Variants in MTUS1 observed in about 807,000 individuals in gnomAD.
MTUS1 encodes microtubule associated scaffold protein 1, also known as microtubule-associated tumor suppressor 1.
Under a neutral mutation model 120.8 loss-of-function variants are expected in MTUS1, and 109 were observed. The observed-to-expected ratio is 0.90, with a 90% CI of 0.77 to 1.06. The LOEUF (loss-of-function observed/expected upper bound fraction) is 1.06, where lower values mean the gene tolerates loss of function less well. MTUS1 is among the 50% of genes least tolerant of loss of function. The probability of loss-of-function intolerance (pLI) is 0.00; values close to 1 mark genes in which losing one functional copy is unlikely to be tolerated. For synonymous variants in MTUS1, 737 were observed against 550.5 expected (o/e 1.34, Z -4.74); for missense variants, 2,210 against 1,486.3 (o/e 1.49, Z -8.01).
intron 3 of MTUS1, among the ~76,000 whole-genome samples, chr8:17,735,918 CAG>C (rs566754711): frequency 4.1e-4 from 62 of 152,320 alleles, no homozygotes; most frequent in African/African-American, 1.5e-3. Flanking sequence ...TGCAAAGCAG[CAG>C]AGAGGCCAGG....
chr8:17,777,586 G>C (rs1019731087), intron 1 of MTUS1, among the ~76,000 whole-genome samples: 1 of 152,120 alleles, frequency 6.6e-6, no homozygotes, highest in Non-Finnish European at 1.5e-5. Flanking sequence ...ACGTGGATGG[G>C]ACCAACATAC....
intron 1 of MTUS1, among the ~76,000 whole-genome samples, chr8:17,763,642 T>G (rs1359290108): frequency 6.6e-6 from 1 of 152,124 alleles, no homozygotes; most frequent in African/African-American, 2.4e-5. Context: ...AGGGAGATAC[T>G]CGCTGGAGGC....
At chr8:17,671,635 T>G (rs1218058849) in intron 8 of MTUS1, among the ~76,000 whole-genome samples, 2 of 152,196 alleles carry the variant, frequency 1.3e-5, no homozygotes, top group East Asian at 3.8e-4. Context: ...TGGAGGCTGT[T>G]AGATGCGGAA....
intron 8 of MTUS1, 38 bp downstream of exon 8, chr8:17,675,148 T>G (rs1210238749): frequency 6.2e-7 from 1 of 1,611,902 alleles, no homozygotes; most frequent in African/African-American, 1.3e-5. Flanking sequence ...GTTCCCCTTG[T>G]CCCATAAAAT....
chr8:17,694,446 G>A (rs982389040), intron 6 of MTUS1, among the ~76,000 whole-genome samples: 79 of 152,106 alleles, frequency 5.2e-4, no homozygotes, highest in African/African-American at 1.8e-3. Context: ...CAGGCGAATT[G>A]CCTGAGGTCA....
intron 6 of MTUS1, among the ~76,000 whole-genome samples, chr8:17,687,879 T>C (rs1056209941): frequency 2.0e-5 from 3 of 152,212 alleles, no homozygotes; most frequent in African/African-American, 7.2e-5. Flanking sequence ...AAGAAAGTAG[T>C]TGGTTAATGA....
chr8:17,748,479 G>T (rs1332258115), intron 2 of MTUS1, among the ~76,000 whole-genome samples: 3 of 152,106 alleles, frequency 2.0e-5, no homozygotes, highest in Admixed American at 6.5e-5. Flanking sequence ...CTTTGCCCTC[G>T]CTACTGGAGG....
chr8:17,719,593 C>T (rs184110969), intron 4 of MTUS1, among the ~76,000 whole-genome samples: 85 of 152,176 alleles, frequency 5.6e-4, no homozygotes, highest in Non-Finnish European at 1.5e-4. Flanking sequence ...ATGAATCTAC[C>T]GCCTGTTCCT....
At chr8:17,686,052 T>C (rs1815725357) in intron 6 of MTUS1, among the ~76,000 whole-genome samples, 2 of 152,222 alleles carry the variant, frequency 1.3e-5, no homozygotes, top group Non-Finnish European at 2.9e-5. Context: ...TTTTTAGAAA[T>C]TGTCACATAA....
At chr8:17,752,950 T>C (rs1046313470) in intron 2 of MTUS1, among the ~76,000 whole-genome samples, 3 of 152,224 alleles carry the variant, frequency 2.0e-5, no homozygotes, top group Non-Finnish European at 4.4e-5. Context: ...CAAAAACACA[T>C]GCATGTTTAA....
intron 1 of MTUS1, among the ~76,000 whole-genome samples, chr8:17,767,420 G>C (rs538354636): frequency 4.6e-5 from 7 of 151,866 alleles, no homozygotes; most frequent in Admixed American, 4.6e-4. Flanking sequence ...AAAGGGGCTG[G>C]GTACAGTGGC....
intron 8 of MTUS1, among the ~76,000 whole-genome samples, chr8:17,661,166 G>A (rs545820439): frequency 1.3e-5 from 2 of 152,050 alleles, no homozygotes; most frequent in African/African-American, 2.4e-5. Context: ...GTAACTTTCC[G>A]ACTCTGAAGG....
In MTUS1 at chr8:17,661,891, C is replaced by T. The variant is rs186639385; in HGVS notation, c.2906-5826G>A. Among the ~76,000 whole-genome samples the T allele has an allele frequency of 1.0e-3, 158 of 152,312 alleles. 2 individuals carry two copies. Among genetic ancestry groups the T allele is most frequent in the Middle Eastern group, 3.4e-3 (1 of 294 alleles). ...TGGGGAACAGCTGGGCTGCAGTAAT[C>T]GCTCACACTAATGGCTTTCGTTTGA... is the stretch of plus-strand genomic sequence containing the variant. On this transcript the variant is annotated intron_variant, in intron 8 of 14. Transcript: ENST00000693296.
At chr8:17,686,646 C>G (rs919470255) in intron 6 of MTUS1, among the ~76,000 whole-genome samples, 23 of 152,248 alleles carry the variant, frequency 1.5e-4, no homozygotes, top group African/African-American at 5.1e-4. Context: ...AATTTCAGAG[C>G]TTTAAAACTG....
intron 6 of MTUS1, among the ~76,000 whole-genome samples, chr8:17,686,929 CTT>C (rs1815932705): frequency 2.0e-5 from 3 of 152,116 alleles, no homozygotes; most frequent in Admixed American, 2.0e-4. Context: ...AATAAAATCA[CTT>C]TTAACAGACA....
rs1427064955 is a variant in MTUS1 at position 17,723,744 on chromosome 8, C to A, written c.2377G>T (p.Ala793Ser). ...GGGGTGCTTCCTGTCCTCCGCAGCG[C>A]AGGACTTTTCAAAGATGCTTTGGAT... ...PKSKASLKSP[A>S]LRRTGSTPSI... The change falls in exon 4 of 15, where the codon GCG (alanine) becomes TCG (serine). Residue 793 changes from alanine to serine, a missense_variant. Physicochemically the swap from Ala to Ser is moderately conservative, Grantham distance 99. Transcript: ENST00000693296. The A allele has an allele frequency of 1.2e-6, 2 of 1,610,302 alleles. No individual in the cohort carries two copies. The highest frequency in any genetic ancestry group is 3.3e-5 in the Admixed American group (2 of 59,872).
At chr8:17,709,836 T>C (rs1457422311) in intron 6 of MTUS1, among the ~76,000 whole-genome samples, 1 of 151,692 alleles carries the variant, frequency 6.6e-6, no homozygotes, top group Non-Finnish European at 1.5e-5. Context: ...TGAAACCCCG[T>C]CTCTACTAAA....
At chr8:17,743,157 ACT>A (rs2047465326) in intron 3 of MTUS1, among the ~76,000 whole-genome samples, 2 of 152,126 alleles carry the variant, frequency 1.3e-5, no homozygotes, top group Admixed American at 6.5e-5. Flanking sequence ...GAAAAATTTA[ACT>A]TTTTAGTCAC....
intron 6 of MTUS1, among the ~76,000 whole-genome samples, chr8:17,693,073 A>G (rs1205316783): frequency 6.6e-6 from 1 of 152,180 alleles, no homozygotes; most frequent in Non-Finnish European, 1.5e-5. Context: ...GGCACTCTTC[A>G]TAGCAATTAA....
Sources: allele counts gnomAD v4.1 joint callset (sites outside exome capture counted in the v4.1 genomes callset), GRCh38; gene constraint gnomAD v4.1.1; transcripts MANE v1.5; gene names NCBI Gene and HGNC (gene_info 2026-07-23, HGNC 2026-07-21).